TRIM55: variants seen among roughly 807,000 people sequenced by gnomAD.
The protein encoded by TRIM55 is tripartite motif-containing protein 55.
A neutral mutation model predicts 60.9 loss-of-function variants in TRIM55; 50 were observed. That is an observed-to-expected ratio of 0.82 (90% CI 0.65 to 1.04). TRIM55 has a LOEUF of 1.04. Ranked by LOEUF, TRIM55 falls within the 50% of genes least tolerant of loss-of-function variation. The pLI, the probability that TRIM55 is intolerant of heterozygous loss-of-function variation, is 0.00. For missense variants in TRIM55, 681 were observed against 666.9 expected, an observed-to-expected ratio of 1.02 and a Z score of -0.23; for synonymous variants, 237 against 238.1, an observed-to-expected ratio of 1.00 and a Z score of 0.04.
upstream of TRIM55, among the ~76,000 whole-genome samples, chr8:66,123,320 A>G (rs2128970725): frequency 6.6e-6 from 1 of 152,066 alleles, no homozygotes; most frequent in Non-Finnish European, 1.5e-5. Flanking sequence ...ATAAAACTAC[A>G]CTGTAGCCTG....
At chr8:66,166,765 G>A (rs941712463) in intron 9 of TRIM55, among the ~76,000 whole-genome samples, 1 of 152,210 alleles carries the variant, frequency 6.6e-6, no homozygotes, top group African/African-American at 2.4e-5. Flanking sequence ...CTGGGAGCTT[G>A]TTGCCTTTTG....
intron 3 of TRIM55, 65 bp downstream of exon 3, chr8:66,135,220 G>A: frequency 6.3e-7 from 1 of 1,578,570 alleles, no homozygotes; most frequent in Non-Finnish European, 8.7e-7. Flanking sequence ...GCCTTCCTGG[G>A]GCCAGTGTGA....
At chr8:66,142,357 C>T (rs142917652) in intron 4 of TRIM55, among the ~76,000 whole-genome samples, 2 of 152,272 alleles carry the variant, frequency 1.3e-5, no homozygotes, top group East Asian at 1.9e-4. Flanking sequence ...AAATGACTTC[C>T]GTTATTTATC....
intron 4 of TRIM55, among the ~76,000 whole-genome samples, chr8:66,140,719 GC>G (rs1422650142): frequency 6.6e-6 from 1 of 152,210 alleles, no homozygotes; most frequent in East Asian, 1.9e-4. Flanking sequence ...AATGGTCCTA[GC>G]TTGAGAGCCT....
upstream of TRIM55, among the ~76,000 whole-genome samples, chr8:66,122,616 T>C (rs1329599669): frequency 6.6e-6 from 1 of 152,190 alleles, no homozygotes; most frequent in African/African-American, 2.4e-5. Context: ...ACCAAAAATA[T>C]GATTCTAAGC....
chr8:66,128,216 T>C, intron 1 of TRIM55, 88 bp from the exon 2 acceptor site: 1 of 1,255,004 alleles, frequency 8.0e-7, no homozygotes, highest in Non-Finnish European at 1.1e-6. Flanking sequence ...AAGTTCATGT[T>C]GTTTGTAGTA....
chr8:66,152,504 A>G lies in TRIM55; in HGVS notation c.1113A>G (p.Glu371=). Residue 371 remains glutamate, a synonymous_variant, in exon 8 of 10, where the codon GAA becomes GAG. Coordinates refer to ENST00000315962, the MANE Select transcript of TRIM55 (RefSeq NM_184085.2). ...AAACAGAGTTTCCAGGAGAAGATGA[A>G]AACCCAGAAAAAGCTTCAGAGCTCT... ...NVQTEFPGED[E]NPEKASELSQ... 6.2e-7 allele frequency: 1 copy of G among 1,614,152 alleles called. No homozygotes were observed. The highest frequency in any genetic ancestry group is 8.5e-7 in the Non-Finnish European group (1 of 1,180,032).
rs1808852771 is a variant in TRIM55, at chr8:66,127,153, C to T, written c.-116C>T. The T allele has an allele frequency of 7.7e-6, 9 of 1,166,576 alleles. No homozygotes were observed. The highest frequency in any genetic ancestry group is 5.0e-5 in the East Asian group (2 of 40,250). 72.3% of individuals were successfully genotyped at this position (1,166,576 alleles called of 1,614,324 possible). A position where few individuals can be genotyped will look rare whatever the true frequency, so the allele number is the denominator to read the frequency against. On this transcript the variant is annotated 5_prime_UTR_variant, in exon 1 of 10. Transcript: ENST00000315962. ...CAGGGCCTGAAACAATGTCCTCCAC[C>T]GAGAGAAACGTAAAGGACACTTGAT...
intron 9 of TRIM55, among the ~76,000 whole-genome samples, chr8:66,157,771 C>T (rs756786586): frequency 1.3e-5 from 2 of 152,138 alleles, no homozygotes; most frequent in African/African-American, 4.8e-5. Context: ...AACATGCCCT[C>T]GATTTTACTG....
At chr8:66,169,547 T>C (rs953070839) in intron 9 of TRIM55, among the ~76,000 whole-genome samples, 1 of 152,234 alleles carries the variant, frequency 6.6e-6, no homozygotes, top group African/African-American at 2.4e-5. Context: ...AGTAAGATTG[T>C]GTGCCTTTAG....
chr8:66,159,046 T>G (rs537901457), intron 9 of TRIM55, among the ~76,000 whole-genome samples: 2 of 152,224 alleles, frequency 1.3e-5, no homozygotes, highest in East Asian at 3.8e-4. Context: ...TATTGAGATA[T>G]ACATACACTA....
intron 9 of TRIM55, among the ~76,000 whole-genome samples, chr8:66,167,402 C>T (rs1811386207): frequency 6.6e-6 from 1 of 152,202 alleles, no homozygotes; most frequent in African/African-American, 2.4e-5. Context: ...ACACTGTCTA[C>T]ATGACACAAA....
chr8:66,150,546 G>A (rs1461510527), intron 7 of TRIM55, 80 bp downstream of exon 7: 2 of 1,538,792 alleles, frequency 1.3e-6, no homozygotes, highest in South Asian at 1.2e-5. Context: ...GGAAAGCGGG[G>A]ATTCAGAATC....
chr8:66,134,676 T>G (rs540416076), intron 2 of TRIM55, among the ~76,000 whole-genome samples: 1 of 152,202 alleles, frequency 6.6e-6, no homozygotes, highest in East Asian at 1.9e-4. Flanking sequence ...TCTGAAACCT[T>G]AAATAACTTA....
intron 9 of TRIM55, among the ~76,000 whole-genome samples, chr8:66,168,468 C>T (rs1811444585): frequency 6.6e-6 from 1 of 152,184 alleles, no homozygotes; most frequent in Admixed American, 6.5e-5. Flanking sequence ...CTCAGCATTC[C>T]TACTCACACC....
Position 66,154,186 on chromosome 8 carries a change from G to A in TRIM55, c.1376G>A (p.Cys459Tyr). ...QTRKATTNPP[C>Y]TPGSEGLGQI... is the part of the protein sequence containing the mutation. The stretch of plus-strand genomic sequence containing the variant: ...CGGAAAGCCACCACCAACCCACCTT[G>A]CACCCCAGGGAGCGAAGGTCTGGGG... Residue 459 changes from cysteine to tyrosine, a missense_variant, in exon 9 of 10, where the codon TGC becomes TAC. Cys to Tyr is a radical substitution (Grantham distance 194). Transcript: ENST00000315962. 1 of 1,614,100 alleles carries A rather than the reference G, an allele frequency of 6.2e-7. No individual in the cohort carries two copies. The highest frequency in any genetic ancestry group is 8.5e-7 in the Non-Finnish European group (1 of 1,180,022).
At chr8:66,114,685 A>C in the TRIM55 span, 1 of 455,868 alleles carries the variant, frequency 2.2e-6, no homozygotes, top group Non-Finnish European at 4.4e-6. Flanking sequence ...AGGAAGCAGG[A>C]ACTGTTCGGC....
intron 2 of TRIM55, among the ~76,000 whole-genome samples, chr8:66,131,970 A>G (rs1028918897): frequency 1.3e-5 from 2 of 152,254 alleles, no homozygotes; most frequent in Admixed American, 1.3e-4. Flanking sequence ...CAGAATAAAT[A>G]CATAAATACA....
Position 66,149,831 on chromosome 8 carries a change from T to G in TRIM55, c.790T>G (p.Ser264Ala). The G allele has an allele frequency of 6.2e-7, 1 of 1,614,130 alleles. No homozygotes were observed. Residue 264 changes from serine to alanine, a missense_variant, in exon 5 of 10, where the codon TCA (serine) becomes GCA (alanine). Ser to Ala is a moderately conservative substitution (Grantham distance 99). Coordinates refer to ENST00000315962, the MANE Select transcript of TRIM55 (RefSeq NM_184085.2). ...HLENVSKLVE[S>A]GIQFMDEPEM... ...GGAGAACGTCTCAAAGTTGGTTGAGTCAGGAATTCAGTTTATGGATGAGCC... is the reference window on the plus strand; with the variant it reads ...GGAGAACGTCTCAAAGTTGGTTGAGGCAGGAATTCAGTTTATGGATGAGCC...
Sources: gnomAD v4.1 joint callset for allele counts (sites outside exome capture counted in the v4.1 genomes callset) on GRCh38, gnomAD v4.1.1 for gene constraint, MANE v1.5 for transcripts, NCBI Gene and HGNC (gene_info 2026-07-23, HGNC 2026-07-21) for gene names.